The following RNF182 variants were observed in gnomAD, a reference collection of about 807,000 sequenced individuals.
RNF182 encodes the protein E3 ubiquitin-protein ligase RNF182.
Under a neutral mutation model 14.4 loss-of-function variants are expected in RNF182, and 15 were observed. The observed-to-expected ratio is 1.04, with a 90% CI of 0.70 to 1.60. The LOEUF (loss-of-function observed/expected upper bound fraction) is 1.60. Ranked by LOEUF, RNF182 falls within the 40% of genes most tolerant of loss-of-function variation. The pLI, the probability that RNF182 is intolerant of heterozygous loss-of-function variation, is 0.00. For synonymous variants in RNF182, 128 were observed against 122.9 expected (o/e 1.04, Z -0.27); for missense variants, 268 against 294.8 (o/e 0.91, Z 0.67).
intron 1 of RNF182, among the ~76,000 whole-genome samples, chr6:13,966,336 TAAATC>T (rs1760027476): frequency 6.6e-6 from 1 of 152,102 alleles, no homozygotes; most frequent in Admixed American, 6.5e-5. Context: ...TTGAATCAAA[TAAATC>T]AAGTGAGGAG....
At chr6:13,959,607 G>C (rs1437875670) in intron 1 of RNF182, among the ~76,000 whole-genome samples, 1 of 152,166 alleles carries the variant, frequency 6.6e-6, no homozygotes, top group Non-Finnish European at 1.5e-5. Flanking sequence ...TTGGAAGATT[G>C]GAAACATACT....
chr6:13,973,156 G>A (rs1760237132), intron 1 of RNF182, among the ~76,000 whole-genome samples: 1 of 152,194 alleles, frequency 6.6e-6, no homozygotes, highest in Non-Finnish European at 1.5e-5. Context: ...CTTGCATGGG[G>A]CCTGTAGCCC....
At chr6:13,969,596 C>T (rs1760124914) in intron 1 of RNF182, among the ~76,000 whole-genome samples, 1 of 152,104 alleles carries the variant, frequency 6.6e-6, no homozygotes, top group African/African-American at 2.4e-5. Flanking sequence ...AGGGACTTTG[C>T]TTTAAAATAT....
intron 1 of RNF182, among the ~76,000 whole-genome samples, chr6:13,952,936 G>A (rs1012373449): frequency 1.3e-5 from 2 of 152,154 alleles, no homozygotes; most frequent in African/African-American, 4.8e-5. Flanking sequence ...ACAAAGGACT[G>A]TTAATCTTTG....
chr6:13,932,753 TA>T (rs1354447589), intron 1 of RNF182, among the ~76,000 whole-genome samples: 2 of 152,230 alleles, frequency 1.3e-5, no homozygotes, highest in Non-Finnish European at 2.9e-5. Context: ...CAGATTCTTT[TA>T]AACGTTAAAA....
chr6:13,954,519 T>C (rs1336830933), intron 1 of RNF182, among the ~76,000 whole-genome samples: 1 of 152,228 alleles, frequency 6.6e-6, no homozygotes, highest in Non-Finnish European at 1.5e-5. Flanking sequence ...ATTCATAAAC[T>C]TTCTGAGAAC....
intron 1 of RNF182, among the ~76,000 whole-genome samples, chr6:13,944,622 A>G (rs1290632670): frequency 1.3e-5 from 2 of 152,228 alleles, no homozygotes; most frequent in Non-Finnish European, 1.5e-5. Context: ...AGGCATACCT[A>G]TCAGAATTTA....
chr6:13,928,932 C>G (rs1402980947), intron 1 of RNF182, among the ~76,000 whole-genome samples: 1 of 152,034 alleles, frequency 6.6e-6, no homozygotes. Flanking sequence ...ACAGTGATGG[C>G]TCTAATAATC....
chr6:13,924,707 T>G (rs532701269), upstream of RNF182: 427 of 151,924 alleles, frequency 2.8e-3, 3 homozygotes, highest in African/African-American at 9.2e-3. Context: ...TCGCTCCGCT[T>G]TAGCCTTCCC....
chr6:13,955,381 G>T (rs1759700812), intron 1 of RNF182, among the ~76,000 whole-genome samples: 1 of 152,166 alleles, frequency 6.6e-6, no homozygotes, highest in African/African-American at 2.4e-5. Flanking sequence ...TTACTTTAAA[G>T]GCATAACAGA....
At chr6:13,960,654 AGAGT>A (rs1226875473) in intron 1 of RNF182, among the ~76,000 whole-genome samples, 29 of 130,836 alleles carry the variant, frequency 2.2e-4, no homozygotes, top group African/African-American at 6.2e-4. Flanking sequence ...AGGGAGAGAG[AGAGT>A]GTGTGTGTGT....
At chr6:13,964,689 T>C (rs1263548434) in intron 1 of RNF182, among the ~76,000 whole-genome samples, 2 of 152,004 alleles carry the variant, frequency 1.3e-5, no homozygotes, top group South Asian at 4.1e-4. Flanking sequence ...AGGGCTGGCA[T>C]CCATTTGATG....
intron 1 of RNF182, among the ~76,000 whole-genome samples, chr6:13,960,696 C>CGCGT (rs1554126717): frequency 7.9e-6 from 1 of 126,070 alleles, no homozygotes; most frequent in Non-Finnish European, 1.8e-5. Flanking sequence ...TGTGTGTGCG[C>CGCGT]GCGTGCACAT....
chr6:13,935,165 G>A (rs1759076799), intron 1 of RNF182, among the ~76,000 whole-genome samples: 1 of 152,310 alleles, frequency 6.6e-6, no homozygotes, highest in African/African-American at 2.4e-5. Context: ...TTGGTAGCAG[G>A]GAGACTTGTT....
chr6:13,948,308 T>G (rs1204107584), intron 1 of RNF182, among the ~76,000 whole-genome samples: 1 of 152,184 alleles, frequency 6.6e-6, no homozygotes, highest in Non-Finnish European at 1.5e-5. Context: ...GACAATTGCT[T>G]GTAGATGACA....
In RNF182 at chr6:13,940,866, G is replaced by A. The variant is rs190173386; in HGVS notation, c.-367+15843G>A. On this transcript the variant is annotated intron_variant, in intron 1 of 2. Transcript: ENST00000488300. ...AGACATTTATTACTTAATTTCCAACGGTTTAGGATATTCTAAAAATCTTTT... is the reference window on the plus strand; with the variant it reads ...AGACATTTATTACTTAATTTCCAACAGTTTAGGATATTCTAAAAATCTTTT... Among the ~76,000 whole-genome samples the A allele has an allele frequency of 6.3e-3, 950 of 151,914 alleles. 3 individuals are homozygous for A. Among genetic ancestry groups the A allele is most frequent in the South Asian group, 8.3e-3 (40 of 4,808 alleles).
At chr6:13,938,094 G>A (rs998094069) in intron 1 of RNF182, among the ~76,000 whole-genome samples, 13 of 132,880 alleles carry the variant, frequency 9.8e-5, no homozygotes, top group Admixed American at 2.7e-4. Context: ...TCCGCCTACC[G>A]GGTTCACGCC....
At chr6:13,946,139 A>ATATTATTAT (rs1241131615) in intron 1 of RNF182, among the ~76,000 whole-genome samples, 1 of 66,790 alleles carries the variant, frequency 1.5e-5, no homozygotes, top group Non-Finnish European at 3.2e-5. Flanking sequence ...TTAAAGCAAA[A>ATATTATTAT]CATTATTATT....
intron 1 of RNF182, among the ~76,000 whole-genome samples, chr6:13,944,442 G>A (rs1759384941): frequency 6.6e-6 from 1 of 152,142 alleles, no homozygotes; most frequent in African/African-American, 2.4e-5. Context: ...AATGGGTTGT[G>A]CTGAAAGTTG....
Sources: gnomAD v4.1 joint callset for allele counts (sites outside exome capture counted in the v4.1 genomes callset) on GRCh38, gnomAD v4.1.1 for gene constraint, MANE v1.5 for transcripts, NCBI Gene and HGNC (gene_info 2026-07-23, HGNC 2026-07-21) for gene names.